DIP2C: variants seen among roughly 807,000 people sequenced by gnomAD.
DIP2C encodes disco-interacting protein 2 homolog C.
A neutral mutation model predicts 192.4 loss-of-function variants in DIP2C; 33 were observed. The ratio of observed to expected loss-of-function variants is 0.17; its 90% CI spans 0.13 to 0.23. DIP2C has a LOEUF of 0.23. Ranked by LOEUF, DIP2C falls within the 10% of genes least tolerant of loss-of-function variation. DIP2C has a pLI of 1.00. For synonymous variants in DIP2C, 979 were observed against 864.1 expected (o/e 1.13, Z -2.33); for missense variants, 1,537 against 2,110.1 (o/e 0.73, Z 5.32).
intron 1 of DIP2C, among the ~76,000 whole-genome samples, chr10:672,931 T>C (rs1472732787): frequency 6.6e-6 from 1 of 152,222 alleles, no homozygotes; most frequent in African/African-American, 2.4e-5. Context: ...ACAAAAAATG[T>C]AGGAATTGTA....
chr10:557,740 AGAGGATGGGTGGGAAGGGGGAGGGG>A (rs1355532421), intron 1 of DIP2C, among the ~76,000 whole-genome samples: 9 of 25,598 alleles, frequency 3.5e-4, no homozygotes, highest in Non-Finnish European at 3.9e-4. Context: ...GGGAAGGGGG[AGAGGATGGGTGGGAAGGGGGAGGGG>A]GAGGATGGGC....
chr10:390,788 G>T lies in DIP2C; in HGVS notation c.1336C>A (p.His446Asn), dbSNP rs1159290819. The T allele has an allele frequency of 3.1e-6, 5 of 1,614,024 alleles. No individual in the cohort carries two copies. Among genetic ancestry groups the T allele is most frequent in the Non-Finnish European group, 4.2e-6 (5 of 1,180,036 alleles). The part of the protein sequence containing the change: ...VTVALTSDAC[H>N]KGLPKSPTGE... ...GTTGGGCTTTTTGGAAGTCCTTTAT[G>T]GCAGGCGTCACTAGTCAAGGCTACA... Residue 446 changes from histidine to asparagine, a missense_variant, in exon 11 of 37, where the codon CAT becomes AAT. His to Asn is a moderately conservative substitution (Grantham distance 68). Transcript: ENST00000280886.
At chr10:305,586 G>C (rs1434464329) in intron 32 of DIP2C, among the ~76,000 whole-genome samples, 1 of 152,184 alleles carries the variant, frequency 6.6e-6, no homozygotes, top group East Asian at 1.9e-4. Context: ...AGCTAAGAAA[G>C]TTTTCATTCT....
intron 14 of DIP2C, among the ~76,000 whole-genome samples, chr10:385,706 C>T (rs1001560805): frequency 1.3e-5 from 2 of 152,198 alleles, no homozygotes; most frequent in Non-Finnish European, 2.9e-5. Flanking sequence ...GGCAGCAACA[C>T]ACCTGCCTCA....
chr10:355,426 C>CT (rs1959035550), intron 24 of DIP2C, among the ~76,000 whole-genome samples: 1 of 152,228 alleles, frequency 6.6e-6, no homozygotes, highest in African/African-American at 2.4e-5. Context: ...TTCCTTTTGT[C>CT]TTCAATCTGC....
rs182340314 is a variant in DIP2C, at chr10:419,338, C to T, written c.605-139G>A. 1,152 of 1,219,272 alleles carry T rather than the reference C, an allele frequency of 9.4e-4. 1 individual carries two copies. Among genetic ancestry groups the T allele is most frequent in the Non-Finnish European group, 1.2e-3 (1,033 of 861,064 alleles). 75.5% of individuals were successfully genotyped at this position (1,219,272 alleles called of 1,614,324 possible). A position where few individuals can be genotyped will look rare whatever the true frequency, so the allele number is the denominator to read the frequency against. ...ATGGAAAGCCAGAGCCGATCTCAGC[C>T]GCATCTGCCACACACATCCAGCACA... On this transcript the variant is annotated intron_variant, in intron 5 of 36. Transcript: ENST00000280886.
chr10:384,660 C>G, intron 14 of DIP2C, 21 bp from the exon 15 acceptor site: 2 of 1,612,706 alleles, frequency 1.2e-6, no homozygotes, highest in Non-Finnish European at 1.7e-6. Context: ...CAAAGGAACA[C>G]GCAGGGTGAG....
At chr10:434,324 G>C (rs1966999285) in intron 4 of DIP2C, among the ~76,000 whole-genome samples, 2 of 152,122 alleles carry the variant, frequency 1.3e-5, no homozygotes, top group African/African-American at 4.8e-5. Context: ...TGTTGCCCAG[G>C]GTGGAGTAGA....
At chr10:440,223 T>G (rs1336115274) in intron 4 of DIP2C, among the ~76,000 whole-genome samples, 1 of 152,228 alleles carries the variant, frequency 6.6e-6, no homozygotes, top group Non-Finnish European at 1.5e-5. Flanking sequence ...GGCTATTACC[T>G]TCAGTAATTC....
In DIP2C at chr10:307,591, T is replaced by TG. The variant is rs1179395671; in HGVS notation, c.3986+2439dup. Among the ~76,000 whole-genome samples the TG allele has an allele frequency of 8.6e-5, 13 of 150,494 alleles. No homozygotes were observed. In the East Asian group the frequency reaches 9.8e-4, roughly 11 times the overall value. On this transcript the variant is annotated intron_variant, in intron 32 of 36. Coordinates refer to ENST00000280886, the MANE Select transcript of DIP2C (RefSeq NM_014974.3). ...GGGACGCCGCTGAGATTCTCTGCAG[T>TG]GGGGGGGTAAGGGAGAAGGGGCCCA...
intron 24 of DIP2C, among the ~76,000 whole-genome samples, chr10:351,815 G>T (rs533221673): frequency 2.0e-5 from 3 of 152,116 alleles, no homozygotes; most frequent in Admixed American, 1.3e-4. Flanking sequence ...CAGCCCACCG[G>T]CTCCTTGCCG....
intron 32 of DIP2C, among the ~76,000 whole-genome samples, chr10:308,776 C>T (rs1299252194): frequency 2.6e-5 from 4 of 152,268 alleles, no homozygotes; most frequent in African/African-American, 4.8e-5. Flanking sequence ...GTGGTTCTGT[C>T]GACCAGAGGG....
chr10:381,744 T>C (rs1962393350), intron 17 of DIP2C, among the ~76,000 whole-genome samples: 1 of 152,222 alleles, frequency 6.6e-6, no homozygotes, highest in Non-Finnish European at 1.5e-5. Context: ...GGGAAGCCTG[T>C]TGCAAGCAGG....
intron 26 of DIP2C, among the ~76,000 whole-genome samples, chr10:347,864 C>CCACACTTTCTAGGAGTGGCCACT (rs1564594774): frequency 9.1e-6 from 1 of 109,780 alleles, no homozygotes. Context: ...AGACGCGTCG[C>CCACACTTTCTAGGAGTGGCCACT]GCATAGCTCT....
At chr10:546,903 CGTAAG>C (rs1266801680) in intron 1 of DIP2C, among the ~76,000 whole-genome samples, 4 of 152,172 alleles carry the variant, frequency 2.6e-5, no homozygotes, top group African/African-American at 7.2e-5. Context: ...TTGGGAATAA[CGTAAG>C]GTATTTTCCT....
At chr10:662,908 T>A in intron 1 of DIP2C, 1 of 717,462 alleles carries the variant, frequency 1.4e-6, no homozygotes, top group African/African-American at 1.7e-5. Context: ...GCGTGAACAC[T>A]CTCGGGAGAG....
intron 9 of DIP2C, among the ~76,000 whole-genome samples, chr10:399,808 C>T (rs910203725): frequency 6.6e-6 from 1 of 152,188 alleles, no homozygotes; most frequent in African/African-American, 2.4e-5. Flanking sequence ...TGAGTAAAGC[C>T]CAAGTTACTG....
intron 1 of DIP2C, among the ~76,000 whole-genome samples, chr10:557,750 T>TGGGC (rs1564197710): frequency 1.2e-4 from 2 of 17,098 alleles, no homozygotes; most frequent in African/African-American, 6.9e-4. Context: ...AGAGGATGGG[T>TGGGC]GGGAAGGGGG....
intron 1 of DIP2C, among the ~76,000 whole-genome samples, chr10:615,772 T>TA (rs1187120094): frequency 6.6e-5 from 10 of 152,158 alleles, no homozygotes; most frequent in African/African-American, 2.4e-4. Flanking sequence ...CTTTAGTGTT[T>TA]AAAATCTGCG....
Sources: allele counts gnomAD v4.1 joint callset (sites outside exome capture counted in the v4.1 genomes callset), GRCh38; gene constraint gnomAD v4.1.1; transcripts MANE v1.5; gene names NCBI Gene and HGNC (gene_info 2026-07-23, HGNC 2026-07-21).